Variants in L3HYPDH observed in about 807,000 individuals in gnomAD.
L3HYPDH encodes the protein trans-L-3-hydroxyproline dehydratase.
In L3HYPDH, 32 loss-of-function variants were observed where a neutral mutation model predicts 26.5. The ratio of observed to expected loss-of-function variants is 1.21; its 90% CI spans 0.91 to 1.62. The LOEUF is 1.62. L3HYPDH is among the 40% of genes most tolerant of loss of function. The pLI is 0.00. For synonymous variants in L3HYPDH, 215 were observed against 196.6 expected (o/e 1.09, Z -0.78); for missense variants, 554 against 476.4 (o/e 1.16, Z -1.52).
intron 1 of L3HYPDH, among the ~76,000 whole-genome samples, chr14:59,480,071 C>T (rs895993378): frequency 1.3e-5 from 2 of 152,152 alleles, no homozygotes; most frequent in African/African-American, 2.4e-5. Flanking sequence ...CTCAAATTTT[C>T]CTCTTCCCTA....
intron 1 of L3HYPDH, among the ~76,000 whole-genome samples, chr14:59,481,001 C>T (rs1205706580): frequency 1.3e-5 from 2 of 152,130 alleles, no homozygotes; most frequent in Non-Finnish European, 2.9e-5. Flanking sequence ...GGGGCATTGG[C>T]CACCAATCCC....
rs1461465488 is a variant in L3HYPDH, at chr14:59,484,367, C to G, written c.-51G>C. On this transcript the variant is annotated 5_prime_UTR_variant, in exon 1 of 5. Coordinates refer to ENST00000247194, the MANE Select transcript of L3HYPDH (RefSeq NM_144581.2). Reference sequence around the variant, plus strand: ...GGTCCCGCAGCTATGGCTTCAAGCCCGACCCTCACCCACTGACTCCGCGGG... The same window carrying G: ...GGTCCCGCAGCTATGGCTTCAAGCCGGACCCTCACCCACTGACTCCGCGGG... The G allele has an allele frequency of 3.9e-6, 6 of 1,522,162 alleles. No homozygotes were observed. The highest frequency in any genetic ancestry group is 2.4e-5 in the South Asian group (2 of 81,904). 94.3% of individuals were successfully genotyped at this position (1,522,162 alleles called of 1,614,324 possible). A position where few individuals can be genotyped will look rare whatever the true frequency, so the allele number is the denominator to read the frequency against.
chr14:59,504,807 T>TA, the L3HYPDH span: 1 of 153,630 alleles, frequency 6.5e-6, no homozygotes, highest in Non-Finnish European at 1.5e-5. Context: ...TATATATACA[T>TA]ACCATATTTT....
chr14:59,502,949 C>T, the L3HYPDH span, among the ~76,000 whole-genome samples: 1 of 151,536 alleles, frequency 6.6e-6, no homozygotes, highest in South Asian at 2.1e-4. Flanking sequence ...GGGGTTTCAC[C>T]ATGTTGATCA....
the L3HYPDH span, among the ~76,000 whole-genome samples, chr14:59,490,089 A>AT: frequency 2.0e-5 from 3 of 151,844 alleles, no homozygotes; most frequent in Admixed American, 6.6e-5. Context: ...TACCCTGCTA[A>AT]TTTTTTATAT....
chr14:59,492,490 A>G, the L3HYPDH span, among the ~76,000 whole-genome samples: 1 of 152,342 alleles, frequency 6.6e-6, no homozygotes, highest in Middle Eastern at 3.4e-3. Flanking sequence ...TGCAAGTGAC[A>G]TGCCAATTAT....
At chr14:59,485,424 A>G, upstream of L3HYPDH, 1 of 279,470 alleles carries the variant, frequency 3.6e-6, no homozygotes, top group Non-Finnish European at 6.6e-6. Flanking sequence ...ATTAAACTGG[A>G]GGAATATTAT....
chr14:59,475,721 A>G (rs1566560295), intron 4 of L3HYPDH, 148 bp downstream of exon 4: 5 of 841,172 alleles, frequency 5.9e-6, no homozygotes, highest in Non-Finnish European at 9.2e-6. Context: ...TGGATAACCA[A>G]TGTCCTAGTT....
chr14:59,466,509 T>C (rs1889183581), intron 1 of L3HYPDH, among the ~76,000 whole-genome samples: 1 of 152,174 alleles, frequency 6.6e-6, no homozygotes, highest in African/African-American at 2.4e-5. Flanking sequence ...CTACAGTGCA[T>C]AGGATACCCC....
chr14:59,483,724 A>C lies in L3HYPDH; in HGVS notation c.508+85T>G, dbSNP rs1356277735. ...TTTCGCGGAGTAGGTTAGTTGCCAGAGTTCCAGCCCAGAAAAACCGTTAAT... is the reference window on the plus strand; with the variant it reads ...TTTCGCGGAGTAGGTTAGTTGCCAGCGTTCCAGCCCAGAAAAACCGTTAAT... On this transcript the variant is annotated intron_variant, in intron 1 of 4. Transcript: ENST00000247194. The C allele has an allele frequency of 4.6e-6, 7 of 1,524,168 alleles. No individual in the cohort carries two copies. In the South Asian group the frequency reaches 8.6e-5, roughly 19 times the overall value. 94.4% of individuals were successfully genotyped at this position (1,524,168 alleles called of 1,614,324 possible). A position where few individuals can be genotyped will look rare whatever the true frequency, so the allele number is the denominator to read the frequency against.
At chr14:59,471,868 C>T (rs1271444208), downstream of L3HYPDH, among the ~76,000 whole-genome samples, 1 of 151,960 alleles carries the variant, frequency 6.6e-6, no homozygotes, top group Non-Finnish European at 1.5e-5. Context: ...GATTTATTTA[C>T]CACAGAATTC....
chr14:59,486,316 G>A (rs1890565245), upstream of L3HYPDH, among the ~76,000 whole-genome samples: 2 of 152,234 alleles, frequency 1.3e-5, no homozygotes, highest in Admixed American at 1.3e-4. Context: ...ACATGTGGGT[G>A]CTTAATGTCC....
chr14:59,472,888 T>C lies in L3HYPDH; in HGVS notation c.*77A>G. On this transcript the variant is annotated 3_prime_UTR_variant, in exon 5 of 5. Coordinates refer to ENST00000247194, the MANE Select transcript of L3HYPDH (RefSeq NM_144581.2). ...AGTTTATATGTATAATTTATTTGTT[T>C]TCATATAATTTAGAGAAAACAGTCC... The C allele has an allele frequency of 1.5e-6, 2 of 1,301,532 alleles. No homozygotes were observed. Among genetic ancestry groups the C allele is most frequent in the Non-Finnish European group, 2.1e-6 (2 of 962,234 alleles). The allele number at this position is 1,301,532 out of a possible 1,614,324, so 80.6% of individuals were successfully genotyped here.
chr14:59,489,437 A>T, the L3HYPDH span, among the ~76,000 whole-genome samples: 21,399 of 152,206 alleles, frequency 0.14, 1,897 homozygotes, highest in African/African-American at 0.25. Context: ...AACTTCCTTA[A>T]TTCCATGTGA....
chr14:59,505,201 AGTCT>A, the L3HYPDH span: 2 of 1,092,558 alleles, frequency 1.8e-6, no homozygotes, highest in East Asian at 5.2e-5. Flanking sequence ...TTCCTGTAGT[AGTCT>A]GTCTTTTGAA....
chr14:59,490,364 G>T, the L3HYPDH span, among the ~76,000 whole-genome samples: 421 of 152,254 alleles, frequency 2.8e-3, 2 homozygotes, highest in African/African-American at 9.7e-3. Flanking sequence ...CCTCACTGAG[G>T]ATTACATTTC....
intron 4 of L3HYPDH, chr14:59,474,559 T>G: frequency 1.4e-6 from 1 of 697,698 alleles, no homozygotes; most frequent in Non-Finnish European, 2.6e-6. Context: ...CCTTTTGCTT[T>G]GTCTGACAGC....
upstream of L3HYPDH, among the ~76,000 whole-genome samples, chr14:59,488,082 C>A (rs1393714157): frequency 6.6e-6 from 1 of 151,844 alleles, no homozygotes; most frequent in Non-Finnish European, 1.5e-5. Context: ...CAACTATAAT[C>A]CTTATTGGTT....
the L3HYPDH span, among the ~76,000 whole-genome samples, chr14:59,494,159 G>A: frequency 6.6e-6 from 1 of 151,520 alleles, no homozygotes; most frequent in African/African-American, 2.4e-5. Flanking sequence ...ACATCTCAGG[G>A]TGTGGAAGGA....
Sources: gnomAD v4.1 joint callset for allele counts (sites outside exome capture counted in the v4.1 genomes callset) on GRCh38, gnomAD v4.1.1 for gene constraint, MANE v1.5 for transcripts, NCBI Gene and HGNC (gene_info 2026-07-23, HGNC 2026-07-21) for gene names.